Variants in CNTN5 observed in about 807,000 individuals in gnomAD.
The protein encoded by CNTN5 is contactin 5, also known as contactin-5.
CNTN5 carries 77 observed loss-of-function variants against 129.1 expected under a neutral mutation model. The observed-to-expected ratio is 0.60, with a 90% CI of 0.50 to 0.72. The LOEUF (loss-of-function observed/expected upper bound fraction) is 0.72, where lower values mean the gene tolerates loss of function less well. Among genes scored for constraint, CNTN5 ranks in the 30% least tolerant of loss-of-function variants. The probability of loss-of-function intolerance (pLI) is 0.00; values close to 1 mark genes in which losing one functional copy is unlikely to be tolerated. For missense variants in CNTN5, 1,478 were observed against 1,328.8 expected (o/e 1.11, Z -1.75); for synonymous variants, 509 against 465.6 (o/e 1.09, Z -1.20).
At chr11:99,571,773 C>T (rs1053661886) in intron 3 of CNTN5, among the ~76,000 whole-genome samples, 1 of 152,152 alleles carries the variant, frequency 6.6e-6, no homozygotes, top group South Asian at 2.1e-4. Context: ...TTTGGCCTGT[C>T]TCTTCTCTCA....
chr11:99,138,700 A>C (rs2135455206), intron 1 of CNTN5, among the ~76,000 whole-genome samples: 1 of 152,306 alleles, frequency 6.6e-6, no homozygotes, highest in African/African-American at 2.4e-5. Flanking sequence ...TGGTTAAAAT[A>C]ACGAATTCCC....
intron 3 of CNTN5, among the ~76,000 whole-genome samples, chr11:99,741,796 AT>A (rs954767851): frequency 1.3e-5 from 2 of 151,932 alleles, no homozygotes; most frequent in Non-Finnish European, 2.9e-5. Context: ...CAGGTTAAGT[AT>A]TTTTTTCCAT....
At chr11:99,342,942 T>TA (rs888581085) in intron 2 of CNTN5, among the ~76,000 whole-genome samples, 90 of 151,962 alleles carry the variant, frequency 5.9e-4, no homozygotes, top group Non-Finnish European at 7.9e-4. Context: ...GTCATCAGAT[T>TA]AAAAAAAACT....
chr11:99,414,901 G>T (rs1375660275), intron 2 of CNTN5, among the ~76,000 whole-genome samples: 2 of 152,166 alleles, frequency 1.3e-5, no homozygotes, highest in Admixed American at 6.6e-5. Context: ...AAAGCATTTT[G>T]AGGATAGAAT....
At chr11:100,309,422 A>T in intron 21 of CNTN5, 1 of 968,486 alleles carries the variant, frequency 1.0e-6, no homozygotes, top group East Asian at 1.1e-4. Context: ...ATGATAAAAA[A>T]ATTTATACAA....
At chr11:100,293,848 C>A (rs184089613) in intron 18 of CNTN5, among the ~76,000 whole-genome samples, 2 of 151,670 alleles carry the variant, frequency 1.3e-5, no homozygotes, top group African/African-American at 4.8e-5. Context: ...TTTTTCTGGG[C>A]GGGTTGGGGG....
chr11:99,895,167 A>G (rs529896973), intron 6 of CNTN5, among the ~76,000 whole-genome samples: 1 of 152,206 alleles, frequency 6.6e-6, no homozygotes, highest in Admixed American at 6.5e-5. Context: ...CCATCAGTTC[A>G]GTGTCAGTAC....
intron 2 of CNTN5, among the ~76,000 whole-genome samples, chr11:99,480,215 T>G (rs180908118): frequency 6.6e-6 from 1 of 152,308 alleles, no homozygotes; most frequent in Non-Finnish European, 1.5e-5. Context: ...ACAAATTAAA[T>G]ACTTGTTCTC....
chr11:100,170,905 CTT>C (rs1947806483), intron 13 of CNTN5, among the ~76,000 whole-genome samples: 1 of 140,224 alleles, frequency 7.1e-6, no homozygotes, highest in Admixed American at 7.0e-5. Flanking sequence ...AAAAAAAAAA[CTT>C]TTTATTTATG....
At chr11:99,191,904 C>A (rs2897525) in intron 1 of CNTN5, among the ~76,000 whole-genome samples, 42,995 of 151,288 alleles carry the variant, frequency 0.28, 6,366 homozygotes, top group East Asian at 0.46. Context: ...TCACTAGAAG[C>A]AGCAAGAATA....
chr11:99,872,756 A>G (rs1948535178), intron 6 of CNTN5, among the ~76,000 whole-genome samples: 1 of 152,150 alleles, frequency 6.6e-6, no homozygotes, highest in African/African-American at 2.4e-5. Flanking sequence ...TATGAGTAAC[A>G]TGTACCAGTT....
At chr11:99,869,775 G>A (rs1369157692) in intron 6 of CNTN5, among the ~76,000 whole-genome samples, 1 of 152,120 alleles carries the variant, frequency 6.6e-6, no homozygotes, top group Non-Finnish European at 1.5e-5. Flanking sequence ...CGTTATCTCT[G>A]TTCAATTTGC....
intron 1 of CNTN5, among the ~76,000 whole-genome samples, chr11:99,110,844 CAG>C (rs1857756336): frequency 6.6e-6 from 1 of 152,038 alleles, no homozygotes; most frequent in South Asian, 2.1e-4. Context: ...TGATGTGAAA[CAG>C]AGTACCCAGA....
At chr11:99,509,317 ATCGTACATG>A (rs1194567733) in intron 2 of CNTN5, among the ~76,000 whole-genome samples, 34 of 152,306 alleles carry the variant, frequency 2.2e-4, no homozygotes, top group African/African-American at 7.9e-4. Flanking sequence ...TCAGTTCACC[ATCGTACATG>A]AAAAATTCTC....
chr11:100,167,635 T>C (rs1472284183), intron 13 of CNTN5, among the ~76,000 whole-genome samples: 1 of 151,882 alleles, frequency 6.6e-6, no homozygotes, highest in East Asian at 1.9e-4. Flanking sequence ...TGTGATCCTA[T>C]GCATATGTGT....
At chr11:99,533,052 A>G (rs775767631) in intron 2 of CNTN5, among the ~76,000 whole-genome samples, 2 of 152,168 alleles carry the variant, frequency 1.3e-5, no homozygotes, top group Non-Finnish European at 2.9e-5. Flanking sequence ...GCAAAACCAC[A>G]TCTCTATCAA....
intron 1 of CNTN5, among the ~76,000 whole-genome samples, chr11:99,314,845 T>G (rs918440944): frequency 6.8e-6 from 1 of 146,856 alleles, no homozygotes; most frequent in Non-Finnish European, 1.5e-5. Context: ...GAAAAAGATA[T>G]AGTGGGAAGA....
chr11:99,966,181 C>G (rs932647890), intron 8 of CNTN5, among the ~76,000 whole-genome samples: 1 of 152,064 alleles, frequency 6.6e-6, no homozygotes, highest in African/African-American at 2.4e-5. Context: ...AAAATGTAGA[C>G]CTTTCTAAAA....
chr11:99,964,672 A>C (rs945380973), intron 8 of CNTN5, among the ~76,000 whole-genome samples: 3 of 152,178 alleles, frequency 2.0e-5, no homozygotes, highest in Non-Finnish European at 4.4e-5. Flanking sequence ...TGCTGGCCTC[A>C]TAAAATGAGT....
Sources: gnomAD v4.1 joint callset for allele counts (sites outside exome capture counted in the v4.1 genomes callset) on GRCh38, gnomAD v4.1.1 for gene constraint, MANE v1.5 for transcripts, NCBI Gene and HGNC (gene_info 2026-07-23, HGNC 2026-07-21) for gene names.